The following SEM1 variants were observed in gnomAD, a reference collection of about 807,000 sequenced individuals.
The protein encoded by SEM1 is 26S proteasome complex subunit SEM1.
A neutral mutation model predicts 12.7 loss-of-function variants in SEM1; 3 were observed. The observed-to-expected ratio is 0.24, with a 90% CI of 0.11 to 0.61. The LOEUF is 0.61. Among genes scored for constraint, SEM1 ranks in the 20% least tolerant of loss-of-function variants. The pLI, the probability that SEM1 is intolerant of heterozygous loss-of-function variation, is 0.88. For missense variants in SEM1, 59 were observed against 81.3 expected, an observed-to-expected ratio of 0.73 and a Z score of 1.06; for synonymous variants, 30 against 27.8, an observed-to-expected ratio of 1.08 and a Z score of -0.25.
chr7:96,595,418 G>A (rs58028373), intron 2 of SEM1, among the ~76,000 whole-genome samples: 1,971 of 152,138 alleles, frequency 0.013, 37 homozygotes, highest in African/African-American at 0.045. Flanking sequence ...AGGCTGAGGT[G>A]GGAGGATGAC....
At chr7:96,672,110 C>T (rs1789332320), downstream of SEM1, among the ~76,000 whole-genome samples, 1 of 152,168 alleles carries the variant, frequency 6.6e-6, no homozygotes, top group Non-Finnish European at 1.5e-5. Context: ...CATGTATAAT[C>T]ACCTGAAAAT....
chr7:96,645,230 G>C (rs10215003), intron 2 of SEM1, among the ~76,000 whole-genome samples: 26,191 of 152,124 alleles, frequency 0.17, 2,284 homozygotes, highest in South Asian at 0.21. Flanking sequence ...TAAACTGCCA[G>C]GCCATGTTAG....
intron 2 of SEM1, chr7:96,486,057 A>G: frequency 1.6e-6 from 1 of 640,840 alleles, no homozygotes; most frequent in South Asian, 2.0e-5. Context: ...GAATTGGAAG[A>G]AAGGAAAATA....
intron 2 of SEM1, chr7:96,506,832 A>G (rs1278565593): frequency 6.6e-6 from 1 of 152,136 alleles, no homozygotes; most frequent in East Asian, 1.9e-4. Context: ...TAAGAAAGAT[A>G]TATATGGAAT....
intron 2 of SEM1, among the ~76,000 whole-genome samples, chr7:96,599,798 A>G (rs1807138939): frequency 6.6e-6 from 1 of 152,180 alleles, no homozygotes; most frequent in East Asian, 1.9e-4. Flanking sequence ...CTTTTGACTT[A>G]AGCCCTGGCT....
At chr7:96,576,866 C>G (rs1806220170) in intron 2 of SEM1, among the ~76,000 whole-genome samples, 1 of 152,060 alleles carries the variant, frequency 6.6e-6, no homozygotes, top group Non-Finnish European at 1.5e-5. Flanking sequence ...GCCTGTAGTC[C>G]CAGCACTTTC....
intron 2 of SEM1, among the ~76,000 whole-genome samples, chr7:96,588,391 CACACACGA>C (rs1367421635): frequency 9.9e-5 from 6 of 60,622 alleles, no homozygotes; most frequent in African/African-American, 2.8e-4. Flanking sequence ...CACACACACA[CACACACGA>C]GAGAGAGAGA....
intron 2 of SEM1, among the ~76,000 whole-genome samples, chr7:96,658,616 C>T (rs1324681041): frequency 6.6e-6 from 1 of 152,086 alleles, no homozygotes. Flanking sequence ...TGGAAGGTGC[C>T]CCAATAATGG....
At chr7:96,637,793 A>C (rs557788458) in intron 2 of SEM1, among the ~76,000 whole-genome samples, 1 of 152,034 alleles carries the variant, frequency 6.6e-6, no homozygotes, top group East Asian at 1.9e-4. Flanking sequence ...ACTAGCTATC[A>C]TCTTCTTCCC....
intron 1 of SEM1, among the ~76,000 whole-genome samples, chr7:96,493,415 T>C (rs1171647418): frequency 6.6e-6 from 1 of 152,210 alleles, no homozygotes; most frequent in African/African-American, 2.4e-5. Flanking sequence ...GAGATCAAGA[T>C]GTCACCTTGG....
intron 2 of SEM1, among the ~76,000 whole-genome samples, chr7:96,691,619 G>T (rs1789936000): frequency 1.3e-5 from 2 of 152,202 alleles, no homozygotes; most frequent in African/African-American, 4.8e-5. Context: ...ATTATGTTAA[G>T]GGTTTCCATG....
At chr7:96,559,222 T>C (rs1805620992) in intron 2 of SEM1, among the ~76,000 whole-genome samples, 2 of 152,340 alleles carry the variant, frequency 1.3e-5, no homozygotes, top group South Asian at 4.1e-4. Context: ...TTTTCCCATT[T>C]CTATCTAGAG....
intron 2 of SEM1, among the ~76,000 whole-genome samples, chr7:96,595,120 C>T (rs1315247083): frequency 6.6e-6 from 1 of 152,086 alleles, no homozygotes; most frequent in Admixed American, 6.6e-5. Flanking sequence ...CATGAAGCTT[C>T]TATATCATGA....
intron 2 of SEM1, among the ~76,000 whole-genome samples, chr7:96,674,685 A>C (rs1434510564): frequency 6.6e-6 from 1 of 152,094 alleles, no homozygotes; most frequent in African/African-American, 2.4e-5. Flanking sequence ...AAGTAATAAA[A>C]GTATACATAC....
intron 2 of SEM1, among the ~76,000 whole-genome samples, chr7:96,548,533 A>C (rs897238169): frequency 6.6e-6 from 1 of 152,106 alleles, no homozygotes; most frequent in Non-Finnish European, 1.5e-5. Flanking sequence ...CCTACTTTAG[A>C]ACTGTATTAT....
At chr7:96,611,561 A>C (rs537843093) in intron 2 of SEM1, among the ~76,000 whole-genome samples, 1 of 152,330 alleles carries the variant, frequency 6.6e-6, no homozygotes, top group East Asian at 1.9e-4. Flanking sequence ...TAAAATAAAG[A>C]TCCATGGAGG....
At chr7:96,668,509 T>A (rs1789228413), downstream of SEM1, among the ~76,000 whole-genome samples, 1 of 152,192 alleles carries the variant, frequency 6.6e-6, no homozygotes, top group East Asian at 1.9e-4. Flanking sequence ...TAAATAGATA[T>A]ATTCTAAAAA....
intron 2 of SEM1, among the ~76,000 whole-genome samples, chr7:96,530,609 A>C (rs1452058630): frequency 6.6e-6 from 1 of 152,092 alleles, no homozygotes; most frequent in Non-Finnish European, 1.5e-5. Flanking sequence ...ATGAGGGATA[A>C]ACTGTCCCAG....
intron 2 of SEM1, among the ~76,000 whole-genome samples, chr7:96,529,627 AT>A (rs1361119675): frequency 6.6e-6 from 1 of 151,998 alleles, no homozygotes; most frequent in African/African-American, 2.4e-5. Context: ...TAAAAAAAAA[AT>A]TGTAGTTCTT....
Sources: allele counts gnomAD v4.1 joint callset (sites outside exome capture counted in the v4.1 genomes callset), GRCh38; gene constraint gnomAD v4.1.1; transcripts MANE v1.5; gene names NCBI Gene and HGNC (gene_info 2026-07-23, HGNC 2026-07-21).